Variants in PTPRD observed in about 807,000 individuals in gnomAD.
The protein encoded by PTPRD is protein tyrosine phosphatase receptor type D, also known as receptor-type tyrosine-protein phosphatase delta.
In PTPRD, 34 loss-of-function variants were observed where a neutral mutation model predicts 214.5. The observed-to-expected ratio is 0.16, with a 90% confidence interval of 0.12 to 0.21. The LOEUF (loss-of-function observed/expected upper bound fraction) is 0.21, where lower values mean the gene tolerates loss of function less well. PTPRD is among the 10% of genes least tolerant of loss of function. The pLI, the probability that PTPRD is intolerant of heterozygous loss-of-function variation, is 1.00. For synonymous variants in PTPRD, 1,128 were observed against 845.7 expected, an observed-to-expected ratio of 1.33 and a Z score of -5.79; for missense variants, 2,545 against 2,398.7, an observed-to-expected ratio of 1.06 and a Z score of -1.27.
chr9:9,027,191 G>A (rs2099590271), intron 10 of PTPRD, among the ~76,000 whole-genome samples: 3 of 151,568 alleles, frequency 2.0e-5, no homozygotes, highest in South Asian at 2.1e-4. Flanking sequence ...TTTTCCAGGT[G>A]GATTTTCCAA....
At chr9:9,123,370 A>G (rs2154465734) in intron 10 of PTPRD, among the ~76,000 whole-genome samples, 1 of 152,290 alleles carries the variant, frequency 6.6e-6, no homozygotes, top group Admixed American at 6.5e-5. Flanking sequence ...TAGGCATGAT[A>G]TAAAAAGAGT....
At chr9:9,337,081 G>T (rs2044815800) in intron 9 of PTPRD, among the ~76,000 whole-genome samples, 1 of 152,132 alleles carries the variant, frequency 6.6e-6, no homozygotes, top group East Asian at 1.9e-4. Flanking sequence ...GACCTAGGGG[G>T]TCAATGGGCT....
intron 5 of PTPRD, among the ~76,000 whole-genome samples, chr9:9,843,862 C>T (rs73641380): frequency 0.042 from 6,362 of 151,980 alleles, 441 homozygotes; most frequent in African/African-American, 0.14. Context: ...TGGAATTTAG[C>T]TAGGATTTTA....
chr9:8,755,949 A>G (rs1192074545), intron 11 of PTPRD, among the ~76,000 whole-genome samples: 1 of 152,266 alleles, frequency 6.6e-6, no homozygotes, highest in African/African-American at 2.4e-5. Context: ...AAGCATGATA[A>G]TATGTGTTAA....
chr9:8,975,148 T>C (rs12337165), intron 11 of PTPRD, among the ~76,000 whole-genome samples: 1 of 150,662 alleles, frequency 6.6e-6, no homozygotes, highest in East Asian at 1.9e-4. Flanking sequence ...AGTAGTTTGA[T>C]AACATGATGA....
chr9:10,451,016 C>G (rs915760916), intron 2 of PTPRD, among the ~76,000 whole-genome samples: 3 of 151,936 alleles, frequency 2.0e-5, no homozygotes, highest in Admixed American at 2.0e-4. Context: ...GTAAATGCCA[C>G]TTAATAACAT....
At chr9:9,516,517 A>ATTTATTTTAT (rs557993933) in intron 8 of PTPRD, among the ~76,000 whole-genome samples, 4 of 149,822 alleles carry the variant, frequency 2.7e-5, no homozygotes, top group Non-Finnish European at 5.9e-5. Context: ...ATACATATAT[A>ATTTATTTTAT]TTTATTTTAT....
intron 11 of PTPRD, among the ~76,000 whole-genome samples, chr9:8,854,489 G>T (rs10815976): frequency 0.23 from 34,374 of 151,986 alleles, 4,663 homozygotes; most frequent in South Asian, 0.35. Flanking sequence ...ATCAAGTTTG[G>T]TCTGAAGGAA....
intron 2 of PTPRD, among the ~76,000 whole-genome samples, chr9:10,525,497 C>A (rs1377817387): frequency 6.6e-6 from 1 of 152,012 alleles, no homozygotes; most frequent in Non-Finnish European, 1.5e-5. Flanking sequence ...CAGGGCACAA[C>A]CTAAACAACT....
rs868409187 is a variant in PTPRD, at chr9:10,305,279, C to G, written c.-545+35684G>C. 3.3e-5 allele frequency among the ~76,000 whole-genome samples: 5 copies of G among 150,286 alleles called. 1 individual carries two copies. In the Middle Eastern group the frequency reaches 0.01, roughly 309 times the overall value. Reference sequence around the variant, plus strand: ...ACTCAAGATGGATTAAAGACTTAAACGTAAGACCTAAAACCATAAAAACCC... The same window carrying G: ...ACTCAAGATGGATTAAAGACTTAAAGGTAAGACCTAAAACCATAAAAACCC... On this transcript the variant is annotated intron_variant, in intron 3 of 45. Coordinates refer to ENST00000381196, the MANE Select transcript of PTPRD (RefSeq NM_002839.4).
intron 11 of PTPRD, among the ~76,000 whole-genome samples, chr9:8,911,390 G>A (rs2098746163): frequency 7.3e-6 from 1 of 136,716 alleles, no homozygotes; most frequent in South Asian, 2.4e-4. Context: ...GGATGCCCAT[G>A]TGTGTGTCTG....
At chr9:9,395,837 T>A (rs1250093634) in intron 9 of PTPRD, among the ~76,000 whole-genome samples, 1 of 152,116 alleles carries the variant, frequency 6.6e-6, no homozygotes, top group Non-Finnish European at 1.5e-5. Context: ...ATAATGACGA[T>A]AACGTCTACT....
At chr9:10,258,276 C>A (rs2093433555) in intron 3 of PTPRD, among the ~76,000 whole-genome samples, 1 of 146,028 alleles carries the variant, frequency 6.8e-6, no homozygotes, top group Non-Finnish European at 1.5e-5. Flanking sequence ...AGGCAGCCCT[C>A]TACTTCCCCG....
At chr9:10,481,639 C>A (rs7870466) in intron 2 of PTPRD, among the ~76,000 whole-genome samples, 75,620 of 151,904 alleles carry the variant, frequency 0.5, 19,057 homozygotes, top group East Asian at 0.62. Context: ...TTAAAGAAGT[C>A]ATGACAGCCA....
intron 14 of PTPRD, among the ~76,000 whole-genome samples, chr9:8,531,418 A>C (rs1051039546): frequency 6.6e-6 from 1 of 152,126 alleles, no homozygotes; most frequent in African/African-American, 2.4e-5. Flanking sequence ...GCTATACCAC[A>C]CACGTTATGT....
intron 5 of PTPRD, among the ~76,000 whole-genome samples, chr9:9,888,163 C>A (rs1281759546): frequency 1.3e-5 from 2 of 152,114 alleles, no homozygotes; most frequent in Non-Finnish European, 2.9e-5. Flanking sequence ...CATCTTCCCA[C>A]ATAGCAAATG....
intron 8 of PTPRD, among the ~76,000 whole-genome samples, chr9:9,403,372 G>A (rs1399673164): frequency 6.8e-6 from 1 of 147,662 alleles, no homozygotes; most frequent in Non-Finnish European, 1.5e-5. Flanking sequence ...GATATCACAT[G>A]TATAAGTTGT....
intron 9 of PTPRD, among the ~76,000 whole-genome samples, chr9:9,306,757 T>C (rs1215784525): frequency 5.3e-5 from 8 of 152,118 alleles, no homozygotes; most frequent in African/African-American, 1.7e-4. Flanking sequence ...ACTCTCATTT[T>C]TGGGGAGCCA....
intron 12 of PTPRD, among the ~76,000 whole-genome samples, chr9:8,701,139 C>T (rs773974151): frequency 4.6e-5 from 7 of 151,360 alleles, no homozygotes; most frequent in South Asian, 2.1e-4. Flanking sequence ...CCAGCCTGGA[C>T]GACAAAGCAA....
Sources: allele counts gnomAD v4.1 joint callset (sites outside exome capture counted in the v4.1 genomes callset), GRCh38; gene constraint gnomAD v4.1.1; transcripts MANE v1.5; gene names NCBI Gene and HGNC (gene_info 2026-07-23, HGNC 2026-07-21).